NDRG2: variants seen among roughly 807,000 people sequenced by gnomAD.
The protein encoded by NDRG2 is NDRG family member 2.
A neutral mutation model predicts 58.2 loss-of-function variants in NDRG2; 34 were observed. That is an observed-to-expected ratio of 0.58 (90% CI 0.44 to 0.78). The LOEUF is 0.78. Among genes scored for constraint, NDRG2 ranks in the 30% least tolerant of loss-of-function variants. NDRG2 has a pLI of 0.00. For missense variants in NDRG2, 434 were observed against 471.2 expected, an observed-to-expected ratio of 0.92 and a Z score of 0.73; for synonymous variants, 187 against 175.9, an observed-to-expected ratio of 1.06 and a Z score of -0.50.
In NDRG2 at chr14:21,017,151, A is replaced by G. The variant is rs953303200; in HGVS notation, c.*445T>C. On this transcript the variant is annotated 3_prime_UTR_variant, in exon 16 of 16. Coordinates refer to ENST00000556147, the MANE Select transcript of NDRG2 (RefSeq NM_001320329.2). ...ATTCACGTAGGTCCATACCCTTCAG[A>G]GTCCTAAAGGGTTAATGAGAAGCCA... The G allele has an allele frequency of 7.8e-6, 3 of 386,834 alleles. No homozygotes were observed. The highest frequency in any genetic ancestry group is 8.9e-4 in the Middle Eastern group (1 of 1,122). The allele number at this position is 386,834 out of a possible 1,614,324, so 24.0% of individuals were successfully genotyped here.
intron 1 of NDRG2, among the ~76,000 whole-genome samples, chr14:21,040,509 C>A (rs993517855): frequency 2.0e-5 from 3 of 152,200 alleles, no homozygotes; most frequent in African/African-American, 7.2e-5. Flanking sequence ...CCAGGTAATC[C>A]TTTAAGCTGA....
chr14:21,037,530 T>C (rs1884702580), intron 1 of NDRG2, among the ~76,000 whole-genome samples: 1 of 152,260 alleles, frequency 6.6e-6, no homozygotes, highest in Admixed American at 6.5e-5. Flanking sequence ...CAGGAGTTGC[T>C]ACTGGCCTGT....
intron 1 of NDRG2, chr14:21,058,435 C>T: frequency 9.6e-7 from 1 of 1,040,890 alleles, no homozygotes; most frequent in Admixed American, 2.3e-5. Context: ...CGTTATTAAT[C>T]CTTGCTCCCC....
rs962861251 is a variant in NDRG2 at position 21,024,763 on chromosome 14, C to T, written c.-740G>A. Reference sequence around the variant, plus strand: ...CACCCGGAACCCGTCCCTACGAGTCCCTACGCAGCCCGTCCGCGTGGAGAC... The same window carrying T: ...CACCCGGAACCCGTCCCTACGAGTCTCTACGCAGCCCGTCCGCGTGGAGAC... On this transcript the variant is annotated 5_prime_UTR_variant, in exon 1 of 16. Transcript: ENST00000556147. 8 of 985,426 alleles carry T rather than the reference C, an allele frequency of 8.1e-6. No homozygotes were observed. Among genetic ancestry groups the T allele is most frequent in the Middle Eastern group, 1.0e-3 (2 of 1,936 alleles). The allele number at this position is 985,426 out of a possible 1,614,324, so 61.0% of individuals were successfully genotyped here. A position where few individuals can be genotyped will look rare whatever the true frequency, so the allele number is the denominator to read the frequency against.
chr14:21,053,819 A>G (rs1885567515), intron 1 of NDRG2, among the ~76,000 whole-genome samples: 1 of 152,046 alleles, frequency 6.6e-6, no homozygotes, highest in Non-Finnish European at 1.5e-5. Flanking sequence ...AGAAAAAAAA[A>G]ATACACTTCT....
chr14:21,068,562 T>C (rs1186211997), intron 1 of NDRG2, among the ~76,000 whole-genome samples: 1 of 152,048 alleles, frequency 6.6e-6, no homozygotes, highest in South Asian at 2.1e-4. Flanking sequence ...ATAAGGTTTT[T>C]TAAACACTGG....
intron 1 of NDRG2, chr14:21,030,915 G>A (rs1884057790): frequency 6.5e-7 from 1 of 1,530,986 alleles, no homozygotes; most frequent in Non-Finnish European, 8.8e-7. Flanking sequence ...CTGATTGATA[G>A]GACAAAAGAG....
intron 4 of NDRG2, 80 bp downstream of exon 4, chr14:21,022,312 C>T: frequency 6.3e-7 from 1 of 1,574,890 alleles, no homozygotes; most frequent in East Asian, 2.2e-5. Flanking sequence ...CTGACCCCTC[C>T]CCTCCCTCTG....
In NDRG2 at chr14:21,057,858, C is replaced by T. The variant is rs1276262500; in HGVS notation, c.24+12970G>A. ...CATGATGACCTATTCATCCACCTACCTCCTCACTCTGTTCCACTGTCTCCC... is the reference window on the plus strand; with the variant it reads ...CATGATGACCTATTCATCCACCTACTTCCTCACTCTGTTCCACTGTCTCCC... On this transcript the variant is annotated intron_variant, in intron 1 of 14. Coordinates refer to the NDRG2 transcript ENST00000403829. The T allele has an allele frequency of 8.2e-6, 13 of 1,576,922 alleles. No homozygotes were observed. In the East Asian group the frequency reaches 2.9e-4, roughly 35 times the overall value.
Position 21,017,697 on chromosome 14 carries a change from C to T in NDRG2, c.1015G>A (p.Val339Ile), listed in dbSNP as rs190675907. 8.7e-6 allele frequency: 14 copies of T among 1,608,348 alleles called. No individual in the cohort carries two copies. The highest frequency in any genetic ancestry group is 1.7e-4 in the Middle Eastern group (1 of 6,056). ...CGAGAGCGGGACCGGTTGCCATCAA[C>T]GGATGCTGCACTGGTCAGAGAGGCT... ...RTASLTSAAS[V>I]DGNRSRSRTL... Residue 339 changes from valine (V) to isoleucine (I), a missense_variant, in exon 16 of 16, where the codon GTT becomes ATT. Val to Ile is a conservative substitution (Grantham distance 29, BLOSUM62 3). Transcript: ENST00000556147.
rs1042317674 is a variant in NDRG2 at position 21,031,908 on chromosome 14, G to T, written c.25-8587C>A. 2.5e-6 allele frequency: 4 copies of T among 1,614,012 alleles called. No homozygotes were observed. The South Asian group carries it at 4.4e-5, about 18-fold the overall frequency. On this transcript the variant is annotated intron_variant, in intron 1 of 14. Coordinates refer to the NDRG2 transcript ENST00000403829. ...GGCTTGCAGAAAGCAACAACAGTGGGTGCAGTGGACCGTTTGACAGACACC... is the reference window on the plus strand; with the variant it reads ...GGCTTGCAGAAAGCAACAACAGTGGTTGCAGTGGACCGTTTGACAGACACC...
At chr14:21,056,220 C>T (rs1273553521) in intron 1 of NDRG2, among the ~76,000 whole-genome samples, 1 of 152,158 alleles carries the variant, frequency 6.6e-6, no homozygotes, top group Non-Finnish European at 1.5e-5. Context: ...ACCTGAGAAA[C>T]TGCAGTGCAG....
At chr14:21,065,927 T>A (rs1439793163) in intron 1 of NDRG2, among the ~76,000 whole-genome samples, 1 of 152,126 alleles carries the variant, frequency 6.6e-6, no homozygotes, top group Non-Finnish European at 1.5e-5. Context: ...GGTGAAACCC[T>A]GTCTTTACTA....
At chr14:21,060,413 C>T (rs1205228115) in intron 1 of NDRG2, among the ~76,000 whole-genome samples, 1 of 152,164 alleles carries the variant, frequency 6.6e-6, no homozygotes, top group Non-Finnish European at 1.5e-5. Context: ...AAGCAGCATT[C>T]TTCCATCCCC....
At chr14:21,034,240 G>T in intron 1 of NDRG2, 1 of 1,614,002 alleles carries the variant, frequency 6.2e-7, no homozygotes, top group Non-Finnish European at 8.5e-7. Flanking sequence ...ACCAGAGTTG[G>T]CCCCAGAACA....
At chr14:21,018,724 A>G (rs1476830306) in intron 12 of NDRG2, 39 bp downstream of exon 12, 1 of 1,613,252 alleles carries the variant, frequency 6.2e-7, no homozygotes, top group Admixed American at 1.7e-5. Context: ...TTAGGACCCC[A>G]ACCCTCCTCC....
At chr14:21,041,932 C>G (rs1435184864) in intron 1 of NDRG2, among the ~76,000 whole-genome samples, 1 of 152,172 alleles carries the variant, frequency 6.6e-6, no homozygotes, top group African/African-American at 2.4e-5. Context: ...GACAAGGAAC[C>G]AGACAAAGCA....
chr14:21,053,771 T>C (rs1047766475), intron 1 of NDRG2, among the ~76,000 whole-genome samples: 53 of 152,102 alleles, frequency 3.5e-4, no homozygotes, highest in African/African-American at 1.2e-3. Context: ...GCCACTGCAC[T>C]CCAGCCTGGG....
chr14:21,033,151 G>C (rs1369282240), intron 1 of NDRG2: 1 of 376,536 alleles, frequency 2.7e-6, no homozygotes, highest in Non-Finnish European at 5.2e-6. Flanking sequence ...TTGGAAAAAG[G>C]AAGGCAGGGT....
Sources: allele counts gnomAD v4.1 joint callset (sites outside exome capture counted in the v4.1 genomes callset), GRCh38; gene constraint gnomAD v4.1.1; transcripts MANE v1.5; gene names NCBI Gene and HGNC (gene_info 2026-07-23, HGNC 2026-07-21).